The following LTBR variants were observed in gnomAD, a reference collection of about 807,000 sequenced individuals.
LTBR encodes lymphotoxin beta receptor.
LTBR carries 15 observed loss-of-function variants against 45.4 expected under a neutral mutation model. The ratio of observed to expected loss-of-function variants is 0.33; its 90% CI spans 0.22 to 0.51. The LOEUF is 0.51. Ranked by LOEUF, LTBR falls within the 20% of genes least tolerant of loss-of-function variation. The pLI, the probability that LTBR is intolerant of heterozygous loss-of-function variation, is 0.97. For missense variants in LTBR, 450 were observed against 565.5 expected, an observed-to-expected ratio of 0.80 and a Z score of 2.07; for synonymous variants, 228 against 231.0, an observed-to-expected ratio of 0.99 and a Z score of 0.12.
chr12:6,385,160 G>A lies in LTBR; in HGVS notation c.319+13G>A, dbSNP rs939678430. 15 of 1,614,240 alleles carry A rather than the reference G, an allele frequency of 9.3e-6. No homozygotes were observed. Among genetic ancestry groups the A allele is most frequent in the Middle Eastern group, 1.6e-4 (1 of 6,062 alleles). On this transcript the variant is annotated intron_variant, in intron 3 of 9. Transcript: ENST00000228918. ...CCCTGTGACCCAGGTGAGTGGGGAT[G>A]TGCCTGCGGGGGGGCTGGATCCCCT...
At chr12:6,384,559 TCTCTC>T (rs1292664690) in intron 1 of LTBR, 24 bp from the exon 2 acceptor site, 1 of 1,611,604 alleles carries the variant, frequency 6.2e-7, no homozygotes, top group Non-Finnish European at 8.5e-7. Context: ...GACTAATTCT[TCTCTC>T]CTCTTCTCCA....
intron 1 of LTBR, chr12:6,377,402 T>A (rs1948929675): frequency 5.1e-6 from 4 of 784,192 alleles, no homozygotes; most frequent in Non-Finnish European, 8.3e-6. Context: ...AATTCAGAAT[T>A]CTCCTCCTCC....
At chr12:6,379,596 C>T (rs529438138), upstream of LTBR, among the ~76,000 whole-genome samples, 2 of 152,264 alleles carry the variant, frequency 1.3e-5, no homozygotes, top group South Asian at 2.1e-4. Flanking sequence ...AGAAAAATGC[C>T]ACTCTTCATC....
intron 8 of LTBR, 190 bp downstream of exon 8, chr12:6,389,015 A>G: frequency 1.6e-6 from 1 of 606,932 alleles, no homozygotes; most frequent in Non-Finnish European, 2.9e-6. Flanking sequence ...AAAACACAGT[A>G]CCTCATTTCC....
chr12:6,377,192 C>T (rs979569727), intron 1 of LTBR: 11 of 1,461,078 alleles, frequency 7.5e-6, no homozygotes, highest in East Asian at 2.5e-5. Context: ...CAGTCTCTTG[C>T]GACTTCTTAA....
In LTBR at chr12:6,384,695, A is replaced by T; in HGVS notation, c.193+11A>T. The stretch of plus-strand genomic sequence containing the variant: ...CCCGCTGCCCGCCAGGTGAGAGGCA[A>T]TGGCAGGACGAACCTGGGCCTCGGA... On this transcript the variant is annotated intron_variant, in intron 2 of 9. Transcript: ENST00000228918. 6.2e-7 allele frequency: 1 copy of T among 1,613,002 alleles called. No homozygotes were observed. The highest frequency in any genetic ancestry group is 1.1e-5 in the South Asian group (1 of 91,052).
rs1340015449 is a variant in LTBR at position 6,384,319 on chromosome 12, C to T, written c.-40C>T. The T allele has an allele frequency of 2.1e-6, 3 of 1,451,526 alleles. No homozygotes were observed. The highest frequency in any genetic ancestry group is 2.7e-6 in the Non-Finnish European group (3 of 1,108,472). 89.9% of individuals were successfully genotyped at this position (1,451,526 alleles called of 1,614,324 possible). On this transcript the variant is annotated 5_prime_UTR_variant, in exon 1 of 10. Transcript: ENST00000228918. Reference sequence around the variant, plus strand: ...GACGTCGGGCCTCCTGCCTTCCTCCCAGGCCCCCACGTTGCTGGCCGCCTG... The same window carrying T: ...GACGTCGGGCCTCCTGCCTTCCTCCTAGGCCCCCACGTTGCTGGCCGCCTG...
Position 6,386,503 on chromosome 12 carries a change from CA to C in LTBR, c.667+60del. On this transcript the variant is annotated intron_variant, in intron 6 of 9. Coordinates refer to ENST00000228918, the MANE Select transcript of LTBR (RefSeq NM_002342.3). The surrounding 1 kb of genome is among the most constrained non-coding windows in gnomAD (Gnocchi z 4.1). ...CGCCTCTGAAAATGCCTTAATGCTC[CA>C]CATCTTAAAAAAAATGGGGAAAAGA... is the stretch of plus-strand genomic sequence containing the variant. 7.7e-7 allele frequency: 1 copy of C among 1,299,258 alleles called. No homozygotes were observed. The allele number at this position is 1,299,258 out of a possible 1,614,324, so 80.5% of individuals were successfully genotyped here. A position where few individuals can be genotyped will look rare whatever the true frequency, so the allele number is the denominator to read the frequency against.
intron 6 of LTBR, chr12:6,387,667 T>C (rs1289630948): frequency 7.7e-6 from 2 of 259,338 alleles, no homozygotes; most frequent in Middle Eastern, 4.5e-4. Context: ...TCCCCAGGCG[T>C]AGCTGACGGA....
Position 6,388,894 on chromosome 12 carries a change from G to C in LTBR, c.801+69G>C. The stretch of plus-strand genomic sequence containing the variant: ...ATGAGGGTACAAGGTGGAGCAGACA[G>C]GAAGAGAGTATGCAGGCTGACTCCA... On this transcript the variant is annotated intron_variant, in intron 8 of 9. Coordinates refer to ENST00000228918, the MANE Select transcript of LTBR (RefSeq NM_002342.3). The surrounding 1 kb of genome is among the most constrained non-coding windows in gnomAD (Gnocchi z 4.3). 1.3e-6 allele frequency: 2 copies of C among 1,579,228 alleles called. No individual in the cohort carries two copies. Among genetic ancestry groups the C allele is most frequent in the Non-Finnish European group, 8.7e-7 (1 of 1,149,372 alleles).
Position 6,384,410 on chromosome 12 carries a change from G to A in LTBR, c.52G>A (p.Val18Met), listed in dbSNP as rs1331026150. ...CCCCGGCCTGGCCTGGGGGCCTCTG[G>A]TGCTGGGCCTCTTCGGGCTCCTGGC... Reference protein sequence around the residue: ...SAPGLAWGPLVLGLFGLLAAS... With the variant: ...SAPGLAWGPLMLGLFGLLAAS... Residue 18 changes from valine (V) to methionine (M), a missense_variant, in exon 1 of 10, where the codon GTG (valine) becomes ATG (methionine). By Grantham distance (21) the Val-to-Met change is conservative. This residue lies in a region of LTBR where 367 missense variants were observed against 435.4 expected (regional missense o/e 0.84). Transcript: ENST00000228918. 1.3e-6 allele frequency: 2 copies of A among 1,543,738 alleles called. No homozygotes were observed. The highest frequency in any genetic ancestry group is 2.7e-5 in the African/African-American group (2 of 73,432).
In LTBR at chr12:6,377,388, A is replaced by G. The variant is rs887206571; in HGVS notation, c.39+1794A>G. The G allele has an allele frequency of 1.8e-5, 16 of 890,788 alleles. No homozygotes were observed. The East Asian group carries it at 2.4e-4, about 13-fold the overall frequency. 55.2% of individuals were successfully genotyped at this position (890,788 alleles called of 1,614,324 possible). A position where few individuals can be genotyped will look rare whatever the true frequency, so the allele number is the denominator to read the frequency against. On this transcript the variant is annotated intron_variant, in intron 1 of 9. Coordinates refer to the LTBR transcript ENST00000539925. ...AAACAAAATAGGAGCAGAGCTATAA[A>G]CAGAATTCAGAATTCTCCTCCTCCT...
rs754264991 is a variant in LTBR at position 6,385,330 on chromosome 12, C to A, written c.423C>A (p.His141Gln). The stretch of plus-strand genomic sequence containing the variant: ...CTGCCTGGGCCCTCGAGTGTACACA[C>A]TGCGAGCTACTTTCTGACTGCCCGC... ...FCAAWALECT[H>Q]CELLSDCPPG... is the part of the protein sequence containing the mutation. The change falls in exon 4 of 10, where the codon CAC (histidine) becomes CAA (glutamine). Residue 141 changes from histidine to glutamine, a missense_variant. Around this residue, in one of 3 missense-constraint regions of LTBR, gnomAD observed 367 missense variants for 435.4 expected, o/e 0.84. Coordinates refer to ENST00000228918, the MANE Select transcript of LTBR (RefSeq NM_002342.3). The A allele has an allele frequency of 2.5e-6, 4 of 1,614,064 alleles. No homozygotes were observed. The Admixed American group carries it at 5.0e-5, about 20-fold the overall frequency.
chr12:6,391,021 G>A lies in LTBR; in HGVS notation c.*84G>A, dbSNP rs894471205. The A allele has an allele frequency of 1.5e-6, 2 of 1,376,390 alleles. No individual in the cohort carries two copies. Among genetic ancestry groups the A allele is most frequent in the East Asian group, 5.1e-5 (2 of 39,422 alleles). 85.3% of individuals were successfully genotyped at this position (1,376,390 alleles called of 1,614,324 possible). ...GCCCTGCCCACGTGGGATTCACAGG[G>A]GCCTGAGTAGGGCCCGGGGAAGCAG... is the stretch of plus-strand genomic sequence containing the variant. On this transcript the variant is annotated 3_prime_UTR_variant, in exon 10 of 10. Transcript: ENST00000228918.
chr12:6,380,951 G>A (rs991396495), upstream of LTBR, among the ~76,000 whole-genome samples: 2 of 152,148 alleles, frequency 1.3e-5, no homozygotes, highest in African/African-American at 2.4e-5. Context: ...TGCCCTGCCC[G>A]CGGTGAACCT....
intron 1 of LTBR, chr12:6,377,616 A>G: frequency 7.8e-7 from 1 of 1,275,292 alleles, no homozygotes; most frequent in Admixed American, 2.2e-5. Flanking sequence ...ACTGCCCCAC[A>G]TATCCCAGAG....
chr12:6,377,449 T>G (rs1167311240), intron 1 of LTBR: 7 of 668,974 alleles, frequency 1.0e-5, no homozygotes, highest in Non-Finnish European at 1.8e-5. Context: ...GCCATTTACT[T>G]CCTGAGACAG....
chr12:6,391,027 A>G lies in LTBR; in HGVS notation c.*90A>G. 7.5e-7 allele frequency: 1 copy of G among 1,341,432 alleles called. No individual in the cohort carries two copies. The allele number at this position is 1,341,432 out of a possible 1,614,324, so 83.1% of individuals were successfully genotyped here. A position where few individuals can be genotyped will look rare whatever the true frequency, so the allele number is the denominator to read the frequency against. ...CCCACGTGGGATTCACAGGGGCCTG[A>G]GTAGGGCCCGGGGAAGCAGAGCCCT... On this transcript the variant is annotated 3_prime_UTR_variant, in exon 10 of 10. Coordinates refer to ENST00000228918, the MANE Select transcript of LTBR (RefSeq NM_002342.3).
At position 6,386,707 on chromosome 12, in the gene LTBR, T is replaced by C. The variant is rs1477602064; in HGVS notation, c.667+263T>C. ...CACACTGAGATGTAATGATAACTAC[T>C]ATTGTCATCATTTTGGGCTTACCAA... is the stretch of plus-strand genomic sequence containing the variant. On this transcript the variant is annotated intron_variant, in intron 6 of 9. Coordinates refer to ENST00000228918, the MANE Select transcript of LTBR (RefSeq NM_002342.3). The surrounding 1 kb of genome is among the most constrained non-coding windows in gnomAD (Gnocchi z 4.1). The C allele has an allele frequency of 2.4e-6, 1 of 421,312 alleles. No homozygotes were observed. Among genetic ancestry groups the C allele is most frequent in the Non-Finnish European group, 4.2e-6 (1 of 236,208 alleles). The allele number at this position is 421,312 out of a possible 1,614,324, so 26.1% of individuals were successfully genotyped here.
Sources: gnomAD v4.1 joint callset for allele counts (sites outside exome capture counted in the v4.1 genomes callset) on GRCh38, gnomAD v4.1.1 for gene constraint, gnomAD v4.1.1 regional missense constraint, Gnocchi (gnomAD v3.1) non-coding constraint, MANE v1.5 for transcripts, NCBI Gene and HGNC (gene_info 2026-07-23, HGNC 2026-07-21) for gene names.